DPP6: variants seen among roughly 807,000 people sequenced by gnomAD.
DPP6 encodes the protein A-type potassium channel modulatory protein DPP6.
DPP6 carries 69 observed loss-of-function variants against 122.6 expected under a neutral mutation model. The ratio of observed to expected loss-of-function variants is 0.56; its 90% CI spans 0.46 to 0.69. DPP6 has a LOEUF of 0.69. DPP6 is among the 30% of genes least tolerant of loss of function. The pLI is 0.00. For missense variants in DPP6, 928 were observed against 1,116.9 expected, an observed-to-expected ratio of 0.83 and a Z score of 2.41; for synonymous variants, 418 against 433.1, an observed-to-expected ratio of 0.97 and a Z score of 0.43.
chr7:154,780,684 A>G (rs1796964695), intron 10 of DPP6, among the ~76,000 whole-genome samples: 1 of 152,240 alleles, frequency 6.6e-6, no homozygotes, highest in African/African-American at 2.4e-5. Context: ...CGTGGACCAC[A>G]AGTAGCAAAT....
intron 1 of DPP6, among the ~76,000 whole-genome samples, chr7:154,337,406 G>T (rs553788374): frequency 3.9e-5 from 6 of 152,324 alleles, no homozygotes; most frequent in African/African-American, 9.6e-5. Context: ...TTTCAATATT[G>T]TAATAGGCTC....
chr7:153,759,006 G>C, the DPP6 span, among the ~76,000 whole-genome samples: 1 of 151,660 alleles, frequency 6.6e-6, no homozygotes, highest in Non-Finnish European at 1.5e-5. Context: ...CAGCTTCTGA[G>C]GCTTCCGGTT....
intron 19 of DPP6, among the ~76,000 whole-genome samples, chr7:154,873,701 T>C (rs1244156598): frequency 6.6e-6 from 1 of 152,142 alleles, no homozygotes; most frequent in African/African-American, 2.4e-5. Flanking sequence ...GCTTTCACAC[T>C]TTCCCAGCAG....
At chr7:153,802,114 A>T in the DPP6 span, among the ~76,000 whole-genome samples, 1 of 152,216 alleles carries the variant, frequency 6.6e-6, no homozygotes, top group Non-Finnish European at 1.5e-5. Flanking sequence ...AGTTTCGGTC[A>T]GGAGCAGGCA....
intron 3 of DPP6, among the ~76,000 whole-genome samples, chr7:154,530,204 T>A (rs1586553545): frequency 6.6e-6 from 1 of 151,954 alleles, no homozygotes; most frequent in Admixed American, 6.6e-5. Flanking sequence ...TTTTAGTGCG[T>A]CAGAGGCCTG....
intron 1 of DPP6, among the ~76,000 whole-genome samples, chr7:154,251,419 G>A (rs73727910): frequency 0.05 from 7,637 of 152,236 alleles, 636 homozygotes; most frequent in African/African-American, 0.17. Flanking sequence ...AGGTCTCCTA[G>A]GGAGATAAGA....
intron 2 of DPP6, among the ~76,000 whole-genome samples, chr7:154,449,737 G>C (rs1820190647): frequency 6.6e-6 from 1 of 152,082 alleles, no homozygotes; most frequent in Non-Finnish European, 1.5e-5. Context: ...GCGGGGCGCG[G>C]TGGCTCACAC....
At position 154,224,893 on chromosome 7, in the gene DPP6, A is replaced by G. The variant is rs1264700640; in HGVS notation, c.243+171830A>G. On this transcript the variant is annotated intron_variant, in intron 1 of 25. Coordinates refer to ENST00000377770, the MANE Select transcript of DPP6 (RefSeq NM_130797.4). The stretch of plus-strand genomic sequence containing the variant: ...CATGGTGGCTTATGCCTGTAATCCC[A>G]GCACTTTGGGAGGCAGAGGCGGGCA... Among the ~76,000 whole-genome samples the G allele has an allele frequency of 2.6e-5, 4 of 152,006 alleles. 1 individual carries two copies. Among genetic ancestry groups the G allele is most frequent in the Non-Finnish European group, 5.9e-5 (4 of 68,040 alleles).
At chr7:154,007,665 T>C (rs920586135) in intron 1 of DPP6, among the ~76,000 whole-genome samples, 3 of 152,184 alleles carry the variant, frequency 2.0e-5, no homozygotes, top group Admixed American at 1.3e-4. Context: ...ATTTCTTTTT[T>C]AGACAACGCT....
chr7:154,125,087 G>C (rs570844861), intron 1 of DPP6, among the ~76,000 whole-genome samples: 35 of 152,324 alleles, frequency 2.3e-4, no homozygotes, highest in Non-Finnish European at 4.1e-4. Flanking sequence ...GGTATGCAGC[G>C]TGGAGGTCTT....
chr7:154,646,989 CT>C (rs1325154294), intron 6 of DPP6, among the ~76,000 whole-genome samples: 2 of 152,340 alleles, frequency 1.3e-5, no homozygotes, highest in Admixed American at 1.3e-4. Flanking sequence ...AAACAAGTCT[CT>C]TTGAAAATGA....
At chr7:154,265,612 G>A (rs62485816) in intron 1 of DPP6, among the ~76,000 whole-genome samples, 37,700 of 152,058 alleles carry the variant, frequency 0.25, 5,261 homozygotes, top group Non-Finnish European at 0.32. Context: ...GTATTAGCAA[G>A]CATCAAAAAA....
In DPP6 at chr7:154,726,391, C is replaced by G. The variant is rs558089290; in HGVS notation, c.763-1376C>G. Among the ~76,000 whole-genome samples, 8 of 152,356 alleles carry G rather than the reference C, an allele frequency of 5.3e-5. No homozygotes were observed. In the South Asian group the frequency reaches 1.7e-3, roughly 32 times the overall value. ...ATACTCCCAAGCCTCAACTCTCACACTCTGCACACCCACAGGCTTAATACC... is the reference window on the plus strand; with the variant it reads ...ATACTCCCAAGCCTCAACTCTCACAGTCTGCACACCCACAGGCTTAATACC... On this transcript the variant is annotated intron_variant, in intron 7 of 25. Transcript: ENST00000377770.
intron 1 of DPP6, among the ~76,000 whole-genome samples, chr7:154,178,456 C>T (rs1797914612): frequency 6.6e-6 from 1 of 151,624 alleles, no homozygotes; most frequent in Admixed American, 6.6e-5. Context: ...TTTTCTCTAC[C>T]CATCCCCAGC....
intron 3 of DPP6, among the ~76,000 whole-genome samples, chr7:154,534,431 A>G (rs1204876523): frequency 1.3e-5 from 2 of 152,188 alleles, no homozygotes; most frequent in Admixed American, 1.3e-4. Context: ...ATTTGAAAGG[A>G]AGGAGTAGAC....
In DPP6 at chr7:154,760,471, G is replaced by C. The variant is rs1371082378; in HGVS notation, c.884-8946G>C. ...TTATCTCGGGGCGGAGGGAGCGTCA[G>C]TGTTTCAGCAGGTTGTTTCTATTCT... On this transcript the variant is annotated intron_variant, in intron 8 of 25. Transcript: ENST00000377770. The surrounding 1 kb of genome is among the most constrained non-coding windows in gnomAD (Gnocchi z 4.5). Among the ~76,000 whole-genome samples, 1 of 152,158 alleles carries C rather than the reference G, an allele frequency of 6.6e-6. No homozygotes were observed. Among genetic ancestry groups the C allele is most frequent in the East Asian group, 1.9e-4 (1 of 5,196 alleles).
chr7:154,227,098 T>C (rs1800649266), intron 1 of DPP6, among the ~76,000 whole-genome samples: 1 of 152,020 alleles, frequency 6.6e-6, no homozygotes, highest in African/African-American at 2.4e-5. Context: ...AGAAGTGAAA[T>C]TATGATGTCA....
chr7:154,384,742 A>AT (rs869155233), intron 1 of DPP6, among the ~76,000 whole-genome samples: 6 of 75,878 alleles, frequency 7.9e-5, no homozygotes, highest in African/African-American at 1.6e-4. Context: ...TCTTTCTTTT[A>AT]TTTTTTTTTG....
intron 5 of DPP6, among the ~76,000 whole-genome samples, chr7:154,574,840 CGTGTGTGAT>C (rs1342265393): frequency 6.4e-5 from 4 of 62,428 alleles, no homozygotes; most frequent in Non-Finnish European, 1.2e-4. Flanking sequence ...GTGGGGTGTA[CGTGTGTGAT>C]GTGTGTGGTG....
Sources: allele counts gnomAD v4.1 joint callset (sites outside exome capture counted in the v4.1 genomes callset), GRCh38; gene constraint gnomAD v4.1.1; non-coding constraint Gnocchi (gnomAD v3.1); transcripts MANE v1.5; gene names NCBI Gene and HGNC (gene_info 2026-07-23, HGNC 2026-07-21).